DDX43: variants seen among roughly 807,000 people sequenced by gnomAD.
DDX43 encodes the protein DEAD-box helicase 43.
In DDX43, 50 loss-of-function variants were observed where a neutral mutation model predicts 84.9. That is an observed-to-expected ratio of 0.59 (90% CI 0.47 to 0.75). The LOEUF (loss-of-function observed/expected upper bound fraction) is 0.75, where lower values mean the gene tolerates loss of function less well. Among genes scored for constraint, DDX43 ranks in the 30% least tolerant of loss-of-function variants. DDX43 has a pLI of 0.00. For synonymous variants in DDX43, 291 were observed against 266.3 expected (o/e 1.09, Z -0.90); for missense variants, 689 against 798.6 (o/e 0.86, Z 1.65).
chr6:73,407,859 A>C, intron 8 of DDX43, 101 bp from the exon 9 acceptor site: 15 of 1,151,420 alleles, frequency 1.3e-5, no homozygotes, highest in Non-Finnish European at 1.9e-5. Flanking sequence ...AGATACCCCT[A>C]AAGGTACCTG....
intron 2 of DDX43, 136 bp downstream of exon 2, chr6:73,397,880 C>G (rs1036401801): frequency 1.6e-6 from 1 of 640,620 alleles, no homozygotes; most frequent in Admixed American, 2.8e-5. Flanking sequence ...TCAGTACAAC[C>G]TCTGCCTCCT....
chr6:73,404,546 A>G (rs1201865922), intron 4 of DDX43, 144 bp from the exon 5 acceptor site: 3 of 674,536 alleles, frequency 4.4e-6, no homozygotes, highest in Non-Finnish European at 7.7e-6. Context: ...CTTCGATGGG[A>G]GCAAGCCTCG....
Position 73,413,752 on chromosome 6 carries a change from A to C in DDX43, c.1463A>C (p.Asp488Ala). 1 of 1,613,830 alleles carries C rather than the reference A, an allele frequency of 6.2e-7. No homozygotes were observed. Among genetic ancestry groups the C allele is most frequent in the Non-Finnish European group, 8.5e-7 (1 of 1,179,912 alleles). ...QTFLQSMSST[D>A]KVIVFVSRKA... ...TTTCTACAGAGTATGTCATCCACAG[A>C]CAAAGTCATTGTCTTCGTTTCTCGA... The change falls in exon 12 of 17, where the codon GAC (aspartate) becomes GCC (alanine). Residue 488 changes from aspartate to alanine, a missense_variant. Around this residue, in one of 2 missense-constraint regions of DDX43, gnomAD observed 552 missense variants for 692.7 expected, o/e 0.80. Coordinates refer to ENST00000370336, the MANE Select transcript of DDX43 (RefSeq NM_018665.3).
chr6:73,409,213 A>G (rs762794207), intron 9 of DDX43, 35 bp from the exon 10 acceptor site: 31 of 1,523,198 alleles, frequency 2.0e-5, no homozygotes, highest in African/African-American at 1.2e-4. Flanking sequence ...TGCCTCCCAT[A>G]TCTAATCTAA....
rs776751144 is a variant in DDX43, at chr6:73,394,872, G to C, written c.-34G>C. 2.5e-6 allele frequency: 4 copies of C among 1,608,498 alleles called. No homozygotes were observed. Among genetic ancestry groups the C allele is most frequent in the Admixed American group, 1.7e-5 (1 of 59,744 alleles). On this transcript the variant is annotated 5_prime_UTR_variant, in exon 1 of 17. Coordinates refer to ENST00000370336, the MANE Select transcript of DDX43 (RefSeq NM_018665.3). ...ACGGTCAGGTGGTGCAGAGCTGGAC[G>C]GCAACGACGTCGGACGCGCCCCTTC...
intron 16 of DDX43, among the ~76,000 whole-genome samples, chr6:73,416,727 G>A (rs1227928955): frequency 6.6e-6 from 1 of 152,228 alleles, no homozygotes; most frequent in Non-Finnish European, 1.5e-5. Context: ...GTTTGGTAGA[G>A]AGTTTTTCAT....
At chr6:73,407,886 C>A in intron 8 of DDX43, 74 bp from the exon 9 acceptor site, 1 of 1,418,650 alleles carries the variant, frequency 7.0e-7, no homozygotes, top group Admixed American at 2.0e-5. Flanking sequence ...GATTTTTATC[C>A]CTTTTATTGG....
chr6:73,400,540 A>G (rs1769547440), intron 3 of DDX43, among the ~76,000 whole-genome samples, 177 bp downstream of exon 3: 1 of 152,248 alleles, frequency 6.6e-6, no homozygotes, highest in Non-Finnish European at 1.5e-5. Flanking sequence ...TTAAAATACC[A>G]GAGCTCTATG....
At chr6:73,395,632 A>T (rs1769454184) in intron 1 of DDX43, among the ~76,000 whole-genome samples, 1 of 152,062 alleles carries the variant, frequency 6.6e-6, no homozygotes, top group African/African-American at 2.4e-5. Context: ...AAAAAAAAAA[A>T]AAGTAATTTA....
At chr6:73,416,578 C>A (rs566889361) in intron 16 of DDX43, among the ~76,000 whole-genome samples, 2 of 152,154 alleles carry the variant, frequency 1.3e-5, no homozygotes, top group African/African-American at 4.8e-5. Flanking sequence ...ACCTTGAGGA[C>A]ATTATGCTTA....
chr6:73,399,044 C>G (rs1769523033), intron 2 of DDX43, among the ~76,000 whole-genome samples: 2 of 152,160 alleles, frequency 1.3e-5, no homozygotes, highest in Admixed American at 1.3e-4. Flanking sequence ...CTCCTGGGTT[C>G]AAGAGATTCT....
intron 2 of DDX43, among the ~76,000 whole-genome samples, chr6:73,398,494 C>T (rs180764592): frequency 4.6e-5 from 7 of 152,250 alleles, no homozygotes; most frequent in African/African-American, 1.4e-4. Context: ...TCGGGTGATC[C>T]GCCCACCTCT....
chr6:73,404,625 G>T, intron 4 of DDX43, 65 bp from the exon 5 acceptor site: 2 of 1,182,632 alleles, frequency 1.7e-6, no homozygotes. Flanking sequence ...GATTTCTGTA[G>T]CTTTGACTAA....
chr6:73,416,106 A>C lies in DDX43; in HGVS notation c.1834-7A>C. 1 of 1,388,802 alleles carries C rather than the reference A, an allele frequency of 7.2e-7. No individual in the cohort carries two copies. Among genetic ancestry groups the C allele is most frequent in the Non-Finnish European group, 1.0e-6 (1 of 976,134 alleles). 86.0% of individuals were successfully genotyped at this position (1,388,802 alleles called of 1,614,324 possible). Reference sequence around the variant, plus strand: ...AATCCTAATAACAACACGTTGAATAATTTCAGAGTATTCCAGAGGAGCTTG... The same window carrying C: ...AATCCTAATAACAACACGTTGAATACTTTCAGAGTATTCCAGAGGAGCTTG... On this transcript the variant is annotated splice_region_variant and splice_polypyrimidine_tract_variant and intron_variant, in intron 15 of 16. Transcript: ENST00000370336.
intron 4 of DDX43, among the ~76,000 whole-genome samples, chr6:73,402,768 G>A (rs1424225932): frequency 1.3e-5 from 2 of 152,004 alleles, no homozygotes; most frequent in African/African-American, 2.4e-5. Context: ...TAGTAGAGAC[G>A]GGGTTTCACC....
chr6:73,407,775 G>A (rs112149448), intron 8 of DDX43, among the ~76,000 whole-genome samples, 160 bp downstream of exon 8: 5 of 152,236 alleles, frequency 3.3e-5, no homozygotes, highest in African/African-American at 9.6e-5. Flanking sequence ...CCTGGGTCAG[G>A]TGATGGTACA....
At chr6:73,410,279 G>A (rs1769758921) in intron 10 of DDX43, among the ~76,000 whole-genome samples, 1 of 152,088 alleles carries the variant, frequency 6.6e-6, no homozygotes, top group African/African-American at 2.4e-5. Flanking sequence ...CAATTCTCCT[G>A]TCTCAGCCTC....
At chr6:73,410,153 T>C (rs1174495781) in intron 10 of DDX43, among the ~76,000 whole-genome samples, 1 of 152,158 alleles carries the variant, frequency 6.6e-6, no homozygotes, top group African/African-American at 2.4e-5. Context: ...ATAACCTTCC[T>C]ATTTCAAGAA....
chr6:73,414,765 C>G, intron 14 of DDX43, 79 bp downstream of exon 14: 1 of 1,316,108 alleles, frequency 7.6e-7, no homozygotes. Flanking sequence ...GCCCAGAAAA[C>G]CATTTTATTC....
Sources: gnomAD v4.1 joint callset for allele counts (sites outside exome capture counted in the v4.1 genomes callset) on GRCh38, gnomAD v4.1.1 for gene constraint, gnomAD v4.1.1 regional missense constraint, MANE v1.5 for transcripts, NCBI Gene and HGNC (gene_info 2026-07-23, HGNC 2026-07-21) for gene names.